BCAS3: variants seen among roughly 807,000 people sequenced by gnomAD.
The protein encoded by BCAS3 is BCAS3 microtubule associated cell migration factor.
In BCAS3, 53 loss-of-function variants were observed where a neutral mutation model predicts 116.1. The ratio of observed to expected loss-of-function variants is 0.46; its 90% confidence interval spans 0.37 to 0.57. The LOEUF (loss-of-function observed/expected upper bound fraction) is 0.57. BCAS3 is among the 20% of genes least tolerant of loss of function. BCAS3 has a pLI of 0.00. For missense variants in BCAS3, 917 were observed against 1,165.4 expected (o/e 0.79, Z 3.10); for synonymous variants, 391 against 408.2 (o/e 0.96, Z 0.51).
At position 61,214,032 on chromosome 17, in the gene BCAS3, C is replaced by G. The variant is rs376883485; in HGVS notation, c.2425+129468C>G. ...CAGTAGGCTGGAGATTCTACCTAAC[C>G]TCACAGGACTCCTAGCATGGCTGGT... On this transcript the variant is annotated intron_variant, in intron 22 of 23. Coordinates refer to ENST00000407086, the MANE Select transcript of BCAS3 (RefSeq NM_017679.5). The surrounding 1 kb of genome is among the most constrained non-coding windows in gnomAD (Gnocchi z 4.4). 4.4e-4 allele frequency among the ~76,000 whole-genome samples: 67 copies of G among 152,186 alleles called. No homozygotes were observed. The South Asian group carries it at 9.3e-3, about 21-fold the overall frequency.
chr17:60,702,934 C>G (rs1158214015), intron 4 of BCAS3, among the ~76,000 whole-genome samples: 1 of 152,118 alleles, frequency 6.6e-6, no homozygotes, highest in Non-Finnish European at 1.5e-5. Flanking sequence ...GTGACACCAG[C>G]AGGCACCAAA....
At chr17:61,318,354 G>A (rs2054916552) in intron 22 of BCAS3, among the ~76,000 whole-genome samples, 1 of 152,308 alleles carries the variant, frequency 6.6e-6, no homozygotes, top group South Asian at 2.1e-4. Flanking sequence ...AGAATCTGCA[G>A]TGTCCTGTCT....
chr17:61,268,515 CA>C (rs2049955135), intron 22 of BCAS3, among the ~76,000 whole-genome samples: 1 of 152,132 alleles, frequency 6.6e-6, no homozygotes, highest in Non-Finnish European at 1.5e-5. Context: ...TTTCATCATA[CA>C]AAACTGAAAC....
intron 22 of BCAS3, among the ~76,000 whole-genome samples, chr17:61,304,270 A>G (rs565789317): frequency 6.6e-6 from 1 of 152,256 alleles, no homozygotes; most frequent in South Asian, 2.1e-4. Flanking sequence ...CCATGTCACT[A>G]CCCATCTAAA....
In BCAS3 at chr17:61,021,309, C is replaced by T. The variant is rs1480559012; in HGVS notation, c.1637+5408C>T. On this transcript the variant is annotated intron_variant, in intron 16 of 23. Coordinates refer to ENST00000407086, the MANE Select transcript of BCAS3 (RefSeq NM_017679.5). This position sits in a 1 kb window ranked among gnomAD's most constrained non-coding sequence, Gnocchi z 4.6. ...TCCTGGTCTCAAGTGATCCAACTGC[C>T]TTAGCCTCCCAAAGTGCTGGGATTA... 6.6e-6 allele frequency among the ~76,000 whole-genome samples: 1 copy of T among 152,170 alleles called. No homozygotes were observed. Among genetic ancestry groups the T allele is most frequent in the Non-Finnish European group, 1.5e-5 (1 of 68,030 alleles).
rs1362233859 is a variant in BCAS3 at position 61,077,964 on chromosome 17, G to A, written c.2131-369G>A. Among the ~76,000 whole-genome samples, 4 of 152,136 alleles carry A rather than the reference G, an allele frequency of 2.6e-5. No individual in the cohort carries two copies. The highest frequency in any genetic ancestry group is 2.9e-5 in the Non-Finnish European group (2 of 68,028). On this transcript the variant is annotated intron_variant, in intron 20 of 23. Coordinates refer to ENST00000407086, the MANE Select transcript of BCAS3 (RefSeq NM_017679.5). The surrounding 1 kb of genome is among the most constrained non-coding windows in gnomAD (Gnocchi z 4.3). ...GCATGCCCACAACATGGTAAGTACT[G>A]TCTAGAATGAATGAAAAGGTAGACC... is the stretch of plus-strand genomic sequence containing the variant.
At chr17:60,840,072 AT>A in intron 7 of BCAS3, among the ~76,000 whole-genome samples, 1 of 152,226 alleles carries the variant, frequency 6.6e-6, no homozygotes, top group East Asian at 1.9e-4. Context: ...TTTTGAAAAC[AT>A]TGTCCAGGTT....
At chr17:61,045,894 AATATATATAAATATATATT>A (rs2068072990) in intron 19 of BCAS3, among the ~76,000 whole-genome samples, 1 of 34,908 alleles carries the variant, frequency 2.9e-5, no homozygotes, top group African/African-American at 5.0e-4. Context: ...TTATATATAT[AATATATATAAATATATATT>A]TATATATATA....
intron 18 of BCAS3, among the ~76,000 whole-genome samples, chr17:61,040,041 GA>G (rs1016095940): frequency 1.3e-5 from 2 of 151,496 alleles, no homozygotes; most frequent in African/African-American, 2.4e-5. Flanking sequence ...TAACCAAAAG[GA>G]AAAAAAACCT....
At chr17:60,881,011 G>C (rs572865164) in intron 9 of BCAS3, among the ~76,000 whole-genome samples, 1 of 152,158 alleles carries the variant, frequency 6.6e-6, no homozygotes, top group South Asian at 2.1e-4. Flanking sequence ...GTCTCGCTCT[G>C]TCACCCAGGC....
intron 9 of BCAS3, 81 bp from the exon 10 acceptor site, chr17:60,889,614 G>GT (rs1208352704): frequency 8.8e-7 from 1 of 1,141,136 alleles, no homozygotes; most frequent in African/African-American, 1.6e-5. Context: ...TGATTTTTCT[G>GT]TTTTTCTGGC....
intron 11 of BCAS3, among the ~76,000 whole-genome samples, chr17:60,906,714 G>A (rs2145082635): frequency 6.6e-6 from 1 of 152,042 alleles, no homozygotes; most frequent in Middle Eastern, 3.4e-3. Context: ...TCTCATTAGT[G>A]GAAATCAGAT....
intron 2 of BCAS3, among the ~76,000 whole-genome samples, chr17:60,680,888 C>T (rs2032983389): frequency 6.6e-6 from 1 of 152,154 alleles, no homozygotes; most frequent in African/African-American, 2.4e-5. Context: ...CTCAGGTGAT[C>T]TGCCTGTCTT....
chr17:61,148,747 T>C (rs754478355), intron 22 of BCAS3, among the ~76,000 whole-genome samples: 6 of 152,212 alleles, frequency 3.9e-5, no homozygotes, highest in Admixed American at 6.5e-5. Context: ...AGAAATCTAC[T>C]GCAGGTCTGT....
At chr17:61,166,598 A>G (rs2078519681) in intron 22 of BCAS3, among the ~76,000 whole-genome samples, 1 of 152,018 alleles carries the variant, frequency 6.6e-6, no homozygotes, top group African/African-American at 2.4e-5. Context: ...GGGTTTCACC[A>G]TGCTGGCCAG....
intron 16 of BCAS3, among the ~76,000 whole-genome samples, chr17:61,016,300 C>G (rs1350225125): frequency 6.6e-6 from 1 of 152,112 alleles, no homozygotes; most frequent in Non-Finnish European, 1.5e-5. Context: ...TGACAACCAT[C>G]TTTTTAGTAC....
Position 61,177,558 on chromosome 17 carries a change from A to G in BCAS3, c.2425+92994A>G, listed in dbSNP as rs575907019. Among the ~76,000 whole-genome samples the G allele has an allele frequency of 2.0e-5, 3 of 152,320 alleles. No individual in the cohort carries two copies. In the South Asian group the frequency reaches 6.2e-4, roughly 32 times the overall value. On this transcript the variant is annotated intron_variant, in intron 22 of 23. Coordinates refer to ENST00000407086, the MANE Select transcript of BCAS3 (RefSeq NM_017679.5). ...CTGGATATCCAAATGGGGCAGGAAG[A>G]GAGATGGATTACAAAGGGGCATGAT...
chr17:60,941,494 C>T (rs9912055), intron 13 of BCAS3, among the ~76,000 whole-genome samples: 9 of 151,924 alleles, frequency 5.9e-5, no homozygotes, highest in Admixed American at 1.3e-4. Flanking sequence ...AAAGAAAGCA[C>T]GTGACTATGT....
intron 7 of BCAS3, among the ~76,000 whole-genome samples, chr17:60,846,961 A>T (rs1038969935): frequency 6.6e-6 from 1 of 152,148 alleles, no homozygotes; most frequent in Non-Finnish European, 1.5e-5. Context: ...ATACCCGTTA[A>T]ACAGTCCCTC....
Sources: gnomAD v4.1 joint callset for allele counts (sites outside exome capture counted in the v4.1 genomes callset) on GRCh38, gnomAD v4.1.1 for gene constraint, Gnocchi (gnomAD v3.1) non-coding constraint, MANE v1.5 for transcripts, NCBI Gene and HGNC (gene_info 2026-07-23, HGNC 2026-07-21) for gene names.